The following GNAI1 variants were observed in gnomAD, a reference collection of about 807,000 sequenced individuals.
The protein encoded by GNAI1 is G protein subunit alpha i1.
A neutral mutation model predicts 38.9 loss-of-function variants in GNAI1; 11 were observed. The ratio of observed to expected loss-of-function variants is 0.28; its 90% CI spans 0.18 to 0.47. The LOEUF is 0.47. GNAI1 is among the 20% of genes least tolerant of loss of function. The pLI, the probability that GNAI1 is intolerant of heterozygous loss-of-function variation, is 0.99. For synonymous variants in GNAI1, 166 were observed against 145.1 expected (o/e 1.14, Z -1.04); for missense variants, 317 against 436.9 (o/e 0.73, Z 2.45).
rs993437559 is a variant in GNAI1, at chr7:80,226,171, T to A, written c.*8678T>A. The stretch of plus-strand genomic sequence containing the variant: ...AAATTATGTATCCAATAAAGACATT[T>A]AAAAAGTAAATTTATGTCCATATTA... On this transcript the variant is annotated 3_prime_UTR_variant, in exon 8 of 8. Transcript: ENST00000649796. 5.3e-5 allele frequency among the ~76,000 whole-genome samples: 8 copies of A among 152,248 alleles called. No homozygotes were observed. Among genetic ancestry groups the A allele is most frequent in the African/African-American group, 1.9e-4 (8 of 41,542 alleles).
chr7:80,146,657 A>G (rs1396412720), intron 1 of GNAI1, among the ~76,000 whole-genome samples: 1 of 152,102 alleles, frequency 6.6e-6, no homozygotes, highest in Non-Finnish European at 1.5e-5. Context: ...CATTTCTCAT[A>G]GGCTCCCGGG....
intron 1 of GNAI1, among the ~76,000 whole-genome samples, chr7:80,151,414 T>A (rs73710218): frequency 0.072 from 10,837 of 151,216 alleles, 475 homozygotes; most frequent in Non-Finnish European, 0.097. Flanking sequence ...AAAAAAAAAA[T>A]TACACACAAA....
intron 1 of GNAI1, among the ~76,000 whole-genome samples, chr7:80,181,768 A>G (rs1343638427): frequency 5.9e-5 from 9 of 152,178 alleles, no homozygotes; most frequent in African/African-American, 1.9e-4. Flanking sequence ...CCTTTGATAC[A>G]TAAAAATTAT....
rs1789097849 is a variant in GNAI1, at chr7:80,222,494, TCTC to T, written c.*5004_*5006del. Among the ~76,000 whole-genome samples, 1 of 150,904 alleles carries T rather than the reference TCTC, an allele frequency of 6.6e-6. No homozygotes were observed. Among genetic ancestry groups the T allele is most frequent in the South Asian group, 2.1e-4 (1 of 4,754 alleles). ...CATCCGCCTCCCGGGTACAAGCAAT[TCTC>T]CTGCCTCAGGTTCCCGAGTAGCTGG... On this transcript the variant is annotated 3_prime_UTR_variant, in exon 8 of 8. Transcript: ENST00000649796.
At chr7:80,200,330 A>AAAAAAAAAAAAT (rs1788659708) in intron 4 of GNAI1, among the ~76,000 whole-genome samples, 1 of 149,362 alleles carries the variant, frequency 6.7e-6, no homozygotes, top group Non-Finnish European at 1.5e-5. Flanking sequence ...GTCTCAAAAA[A>AAAAAAAAAAAAT]AAAAAAAAAA....
intron 1 of GNAI1, among the ~76,000 whole-genome samples, chr7:80,152,422 T>A (rs1438739888): frequency 6.6e-6 from 1 of 152,208 alleles, no homozygotes; most frequent in Non-Finnish European, 1.5e-5. Context: ...ACCCAACAGG[T>A]GTTTTAACTA....
At chr7:80,198,891 C>T (rs2115667071) in intron 3 of GNAI1, among the ~76,000 whole-genome samples, 1 of 152,188 alleles carries the variant, frequency 6.6e-6, no homozygotes, top group Middle Eastern at 3.4e-3. Context: ...TCTGTTTTCT[C>T]AAAAATGATC....
In GNAI1 at chr7:80,219,538, T is replaced by C. The variant is rs1343450321; in HGVS notation, c.*2045T>C. ...CTCAGATTTTCCCTGTTCCAAGCTA[T>C]GAGATGTGATGCCACATTTGGAATT... is the stretch of plus-strand genomic sequence containing the variant. On this transcript the variant is annotated 3_prime_UTR_variant, in exon 8 of 8. Coordinates refer to ENST00000649796, the MANE Select transcript of GNAI1 (RefSeq NM_002069.6). 1.3e-5 allele frequency: 2 copies of C among 152,240 alleles called. No homozygotes were observed. The highest frequency in any genetic ancestry group is 2.9e-5 in the Non-Finnish European group (2 of 68,038). The allele number at this position is 152,240 out of a possible 1,614,324, so 9.4% of individuals were successfully genotyped here. A position where few individuals can be genotyped will look rare whatever the true frequency, so the allele number is the denominator to read the frequency against.
rs774942165 is a variant in GNAI1 at position 80,211,052 on chromosome 7, T to C, written c.674T>C (p.Val225Ala). 2 of 1,613,472 alleles carry C rather than the reference T, an allele frequency of 1.2e-6. No homozygotes were observed. Among genetic ancestry groups the C allele is most frequent in the Non-Finnish European group, 1.7e-6 (2 of 1,179,378 alleles). ...FEGVTAIIFC[V>A]ALSDYDLVLA... Reference sequence around the variant, plus strand: ...GGAGTGACGGCGATCATCTTCTGTGTAGCACTGAGTGACTACGACCTGGTT... The same window carrying C: ...GGAGTGACGGCGATCATCTTCTGTGCAGCACTGAGTGACTACGACCTGGTT... The change falls in exon 6 of 8, where the codon GTA (valine) becomes GCA (alanine). Residue 225 changes from valine to alanine, a missense_variant. Val to Ala is a moderately conservative substitution (Grantham distance 64). Coordinates refer to ENST00000649796, the MANE Select transcript of GNAI1 (RefSeq NM_002069.6).
rs1156747707 is a variant in GNAI1 at position 80,218,440 on chromosome 7, G to A, written c.*947G>A. 1.3e-5 allele frequency: 2 copies of A among 151,344 alleles called. No individual in the cohort carries two copies. Among genetic ancestry groups the A allele is most frequent in the African/African-American group, 2.4e-5 (1 of 41,340 alleles). The allele number at this position is 151,344 out of a possible 1,614,324, so 9.4% of individuals were successfully genotyped here. A position where few individuals can be genotyped will look rare whatever the true frequency, so the allele number is the denominator to read the frequency against. Reference sequence around the variant, plus strand: ...GAGGGATCCTAAGAGCATTTTTGTGGGTAAAAAAAAAACCTGTGGACATAA... The same window carrying A: ...GAGGGATCCTAAGAGCATTTTTGTGAGTAAAAAAAAAACCTGTGGACATAA... On this transcript the variant is annotated 3_prime_UTR_variant, in exon 8 of 8. Transcript: ENST00000649796.
intron 7 of GNAI1, 105 bp from the exon 8 acceptor site, chr7:80,217,198 C>CTGTATGAAACTGACTTCAGTTTCACA: frequency 4.2e-6 from 2 of 478,782 alleles, no homozygotes; most frequent in Admixed American, 4.2e-5. Context: ...ATGAATGAAA[C>CTGTATGAAACTGACTTCAGTTTCACA]TGTATGAAAC....
At position 80,220,190 on chromosome 7, in the gene GNAI1, A is replaced by C. The variant is rs1333318976; in HGVS notation, c.*2697A>C. Among the ~76,000 whole-genome samples the C allele has an allele frequency of 1.3e-5, 2 of 152,022 alleles. No homozygotes were observed. Among genetic ancestry groups the C allele is most frequent in the Non-Finnish European group, 2.9e-5 (2 of 68,028 alleles). ...CCTGTTCCTTTCTACACTGTATCCAAATAGTGTCCTGTGCATAACCTGGGC... is the reference window on the plus strand; with the variant it reads ...CCTGTTCCTTTCTACACTGTATCCACATAGTGTCCTGTGCATAACCTGGGC... On this transcript the variant is annotated 3_prime_UTR_variant, in exon 8 of 8. Transcript: ENST00000649796.
chr7:80,140,128 T>C (rs1247541607), intron 1 of GNAI1, among the ~76,000 whole-genome samples: 1 of 151,928 alleles, frequency 6.6e-6, no homozygotes, highest in Non-Finnish European at 1.5e-5. Flanking sequence ...GGACTACAGG[T>C]GCCTGCCACC....
chr7:80,174,258 C>T (rs1788144878), intron 1 of GNAI1, among the ~76,000 whole-genome samples: 1 of 152,022 alleles, frequency 6.6e-6, no homozygotes, highest in Non-Finnish European at 1.5e-5. Flanking sequence ...ACACACTACT[C>T]CAGTATAAAC....
intron 6 of GNAI1, among the ~76,000 whole-genome samples, chr7:80,211,560 A>G (rs1251234124): frequency 6.6e-6 from 1 of 151,984 alleles, no homozygotes; most frequent in African/African-American, 2.4e-5. Flanking sequence ...CTGGGATTAC[A>G]GGCACGTGCC....
chr7:80,199,180 C>CT (rs1584044973), intron 3 of GNAI1, 45 bp from the exon 4 acceptor site: 2 of 1,369,184 alleles, frequency 1.5e-6, no homozygotes, highest in African/African-American at 2.9e-5. Flanking sequence ...CTTTTTATCT[C>CT]TGACGTATCC....
rs965941444 is a variant in GNAI1 at position 80,221,947 on chromosome 7, T to C, written c.*4454T>C. On this transcript the variant is annotated 3_prime_UTR_variant, in exon 8 of 8. Coordinates refer to ENST00000649796, the MANE Select transcript of GNAI1 (RefSeq NM_002069.6). Reference sequence around the variant, plus strand: ...GAGCCACTGCGCCCAGCCAGTTTTCTTTTTTAGTTCTTTTCAAAACCCTTT... The same window carrying C: ...GAGCCACTGCGCCCAGCCAGTTTTCCTTTTTAGTTCTTTTCAAAACCCTTT... Among the ~76,000 whole-genome samples, 1 of 152,162 alleles carries C rather than the reference T, an allele frequency of 6.6e-6. No individual in the cohort carries two copies. The highest frequency in any genetic ancestry group is 1.5e-5 in the Non-Finnish European group (1 of 68,038).
At chr7:80,166,855 G>A (rs1788018170) in intron 1 of GNAI1, among the ~76,000 whole-genome samples, 1 of 152,168 alleles carries the variant, frequency 6.6e-6, no homozygotes, top group Non-Finnish European at 1.5e-5. Flanking sequence ...TCCCAAGCAG[G>A]TTCCAGGTGC....
At position 80,225,433 on chromosome 7, in the gene GNAI1, G is replaced by C. The variant is rs1374399057; in HGVS notation, c.*7940G>C. On this transcript the variant is annotated 3_prime_UTR_variant, in exon 8 of 8. Transcript: ENST00000649796. The stretch of plus-strand genomic sequence containing the variant: ...CTGCAGCCAAATCAAAAGATTAGTG[G>C]GGTTTTTTTTAATGTTGTTATTGTG... Among the ~76,000 whole-genome samples, 1 of 151,510 alleles carries C rather than the reference G, an allele frequency of 6.6e-6. No homozygotes were observed. The highest frequency in any genetic ancestry group is 2.4e-5 in the African/African-American group (1 of 41,286).
Sources: gnomAD v4.1 joint callset for allele counts (sites outside exome capture counted in the v4.1 genomes callset) on GRCh38, gnomAD v4.1.1 for gene constraint, MANE v1.5 for transcripts, NCBI Gene and HGNC (gene_info 2026-07-23, HGNC 2026-07-21) for gene names.